Variants in RANBP2 observed in about 807,000 individuals in gnomAD.
RANBP2 encodes RAN binding protein 2.
A neutral mutation model predicts 303.6 loss-of-function variants in RANBP2; 57 were observed. The ratio of observed to expected loss-of-function variants is 0.19; its 90% CI spans 0.15 to 0.23. RANBP2 has a LOEUF of 0.23. RANBP2 is among the 10% of genes least tolerant of loss of function. RANBP2 has a pLI of 1.00. For missense variants in RANBP2, 3,138 were observed against 3,780.8 expected (o/e 0.83, Z 4.46); for synonymous variants, 1,167 against 1,301.5 (o/e 0.90, Z 2.23).
the RANBP2 span, among the ~76,000 whole-genome samples, chr2:109,295,043 C>A: frequency 2.6e-5 from 4 of 152,254 alleles, no homozygotes; most frequent in Non-Finnish European, 5.9e-5. Context: ...TTCTCAGGAT[C>A]CCTGCAGGAA....
the RANBP2 span, chr2:109,545,398 G>C: frequency 2.1e-4 from 322 of 1,535,062 alleles, no homozygotes; most frequent in Non-Finnish European, 2.6e-4. Flanking sequence ...AAACCTACAC[G>C]CCTTGCGATT....
the RANBP2 span, among the ~76,000 whole-genome samples, chr2:109,409,719 G>A: frequency 0.055 from 8,372 of 152,048 alleles, 376 homozygotes; most frequent in East Asian, 0.25. Context: ...CGAGAGGCAC[G>A]CGGGGCCTCT....
the RANBP2 span, chr2:108,857,015 T>G: frequency 8.5e-7 from 1 of 1,176,416 alleles, no homozygotes. Flanking sequence ...AGGATGATTT[T>G]TCTGTCTTTA....
the RANBP2 span, among the ~76,000 whole-genome samples, chr2:108,955,389 C>T: frequency 1.3e-5 from 2 of 152,110 alleles, no homozygotes; most frequent in African/African-American, 4.8e-5. Context: ...AAAATCATAA[C>T]CCATTAATTT....
At chr2:108,853,878 AATATATTATATAGTAT>A in the RANBP2 span, among the ~76,000 whole-genome samples, 2 of 124,856 alleles carry the variant, frequency 1.6e-5, no homozygotes, top group African/African-American at 6.2e-5. Flanking sequence ...TATACTATAT[AATATATTATATAGTAT>A]ATATATTATA....
chr2:108,732,292 A>C (rs1000788990), intron 4 of RANBP2, among the ~76,000 whole-genome samples: 23 of 152,096 alleles, frequency 1.5e-4, no homozygotes, highest in Non-Finnish European at 2.2e-4. Flanking sequence ...ATTTTTCCCC[A>C]ATGCTTATAC....
the RANBP2 span, among the ~76,000 whole-genome samples, chr2:108,919,446 T>C: frequency 6.6e-6 from 1 of 152,070 alleles, no homozygotes; most frequent in Non-Finnish European, 1.5e-5. Flanking sequence ...GCAACCTCCA[T>C]CTCCCAGGTT....
the RANBP2 span, among the ~76,000 whole-genome samples, chr2:109,336,506 G>T: frequency 1.3e-5 from 2 of 152,122 alleles, no homozygotes; most frequent in East Asian, 3.9e-4. Context: ...CTGAGGACTC[G>T]CTGTGAGGCC....
chr2:108,847,057 T>C, the RANBP2 span: 2 of 628,230 alleles, frequency 3.2e-6, no homozygotes, highest in Non-Finnish European at 5.5e-6. Context: ...TTATAATGGT[T>C]ACACATTATA....
the RANBP2 span, among the ~76,000 whole-genome samples, chr2:108,810,343 T>G: frequency 2.6e-5 from 4 of 152,214 alleles, no homozygotes; most frequent in Non-Finnish European, 5.9e-5. Flanking sequence ...TTGAGAGTTT[T>G]TACTGTGAAG....
At chr2:108,947,395 TC>T in the RANBP2 span, among the ~76,000 whole-genome samples, 1 of 152,156 alleles carries the variant, frequency 6.6e-6, no homozygotes, top group African/African-American at 2.4e-5. Context: ...ATGGTGGTGC[TC>T]GTCTCACAGC....
chr2:108,919,827 T>G, the RANBP2 span, among the ~76,000 whole-genome samples: 3 of 152,234 alleles, frequency 2.0e-5, no homozygotes. Context: ...GGAGCCCTTC[T>G]GCCCAGTGGC....
chr2:108,739,819 A>G (rs1021385607), intron 6 of RANBP2, among the ~76,000 whole-genome samples: 1 of 152,102 alleles, frequency 6.6e-6, no homozygotes, highest in South Asian at 2.1e-4. Flanking sequence ...CCCTGTCTCT[A>G]CTAGAAATAT....
chr2:108,957,679 C>G, the RANBP2 span, among the ~76,000 whole-genome samples: 1 of 152,228 alleles, frequency 6.6e-6, no homozygotes. Context: ...TATTTGATGT[C>G]CAAACCCCAT....
the RANBP2 span, among the ~76,000 whole-genome samples, chr2:108,935,076 AC>A: frequency 6.6e-6 from 1 of 152,182 alleles, no homozygotes; most frequent in Non-Finnish European, 1.5e-5. Context: ...GATATAAGAG[AC>A]CGCATGACCA....
the RANBP2 span, among the ~76,000 whole-genome samples, chr2:109,097,162 G>A: frequency 1.3e-5 from 2 of 152,120 alleles, no homozygotes; most frequent in African/African-American, 4.8e-5. Context: ...AAATTAGCTG[G>A]GCGTGGTGGC....
chr2:109,615,087 C>T, the RANBP2 span: 1 of 1,549,472 alleles, frequency 6.5e-7, no homozygotes, highest in East Asian at 2.4e-5. Context: ...CGCACAGAGG[C>T]CGGCCCGCCA....
chr2:109,419,194 G>C, the RANBP2 span, among the ~76,000 whole-genome samples: 1 of 151,628 alleles, frequency 6.6e-6, no homozygotes, highest in Non-Finnish European at 1.5e-5. Flanking sequence ...ATTTTGTGTG[G>C]GTTTTTTTTA....
At chr2:109,387,353 T>C in the RANBP2 span, among the ~76,000 whole-genome samples, 2 of 152,174 alleles carry the variant, frequency 1.3e-5, no homozygotes, top group African/African-American at 4.8e-5. Flanking sequence ...GTTCCCCATC[T>C]CAGGGGAGAT....
Sources: allele counts gnomAD v4.1 joint callset (sites outside exome capture counted in the v4.1 genomes callset), GRCh38; gene constraint gnomAD v4.1.1; transcripts MANE v1.5; gene names NCBI Gene and HGNC (gene_info 2026-07-23, HGNC 2026-07-21).